The following NRXN3 variants were observed in gnomAD, a reference collection of about 807,000 sequenced individuals.
The protein encoded by NRXN3 is neurexin III.
NRXN3 carries 32 observed loss-of-function variants against 137.6 expected under a neutral mutation model. That is an observed-to-expected ratio of 0.23 (90% CI 0.18 to 0.31). The LOEUF is 0.31. NRXN3 is among the 10% of genes least tolerant of loss of function. The pLI, the probability that NRXN3 is intolerant of heterozygous loss-of-function variation, is 1.00. For missense variants in NRXN3, 1,574 were observed against 2,062.5 expected (o/e 0.76, Z 4.59); for synonymous variants, 798 against 784.5 (o/e 1.02, Z -0.29).
rs191636214 is a variant in NRXN3 at position 78,775,980 on chromosome 14, C to T, written c.2045-27640C>T. Among the ~76,000 whole-genome samples, 10 of 152,248 alleles carry T rather than the reference C, an allele frequency of 6.6e-5. No homozygotes were observed. In the East Asian group the frequency reaches 1.5e-3, roughly 24 times the overall value. ...ACCCAGGGTATGAATTACTTTTTGT[C>T]CAGCTGGCCAGTTATTAGATTGTGT... is the stretch of plus-strand genomic sequence containing the variant. On this transcript the variant is annotated intron_variant, in intron 8 of 20. Coordinates refer to ENST00000335750, the MANE Select transcript of NRXN3 (RefSeq NM_001330195.2).
intron 1 of NRXN3, among the ~76,000 whole-genome samples, chr14:78,239,026 T>A (rs1214645396): frequency 6.6e-6 from 1 of 152,208 alleles, no homozygotes; most frequent in Admixed American, 6.5e-5. Flanking sequence ...CAGAGAGGCA[T>A]GGGGGTTCAG....
chr14:79,265,294 A>G (rs910421901), intron 15 of NRXN3, among the ~76,000 whole-genome samples: 4 of 142,684 alleles, frequency 2.8e-5, no homozygotes, highest in African/African-American at 1.1e-4. Flanking sequence ...ATGGAGGATC[A>G]GGGGCTGAGA....
At chr14:79,033,056 G>T (rs1405167089) in intron 15 of NRXN3, among the ~76,000 whole-genome samples, 2 of 151,996 alleles carry the variant, frequency 1.3e-5, no homozygotes, top group Non-Finnish European at 2.9e-5. Flanking sequence ...TTTTTCCCTG[G>T]ATTGTTTTGA....
intron 4 of NRXN3, among the ~76,000 whole-genome samples, chr14:78,644,135 G>GAAAAAAAAAAAAAAAAAGAAA (rs2097663111): frequency 2.4e-5 from 1 of 42,148 alleles, no homozygotes; most frequent in Non-Finnish European, 5.8e-5. Context: ...GCAAGACTCA[G>GAAAAAAAAAAAAAAAAAGAAA]AAAAAAAAAA....
intron 4 of NRXN3, among the ~76,000 whole-genome samples, chr14:78,357,241 TGGCAGC>T (rs2084444409): frequency 6.6e-6 from 1 of 152,216 alleles, no homozygotes; most frequent in Non-Finnish European, 1.5e-5. Flanking sequence ...CTTATGTGGA[TGGCAGC>T]AGGCAGAGAG....
chr14:78,759,414 T>C lies in NRXN3; in HGVS notation c.2045-44206T>C, dbSNP rs550752800. On this transcript the variant is annotated intron_variant, in intron 8 of 20. Coordinates refer to ENST00000335750, the MANE Select transcript of NRXN3 (RefSeq NM_001330195.2). ...AAGATATTTTTGCAAATGAGGACAC[T>C]GGGGCTTGATGAAGTTAAATAACTT... Among the ~76,000 whole-genome samples the C allele has an allele frequency of 2.0e-5, 3 of 152,222 alleles. No homozygotes were observed. In the East Asian group the frequency reaches 5.8e-4, roughly 29 times the overall value.
At chr14:79,491,288 T>C (rs1052460791) in intron 16 of NRXN3, among the ~76,000 whole-genome samples, 2 of 152,172 alleles carry the variant, frequency 1.3e-5, no homozygotes, top group Non-Finnish European at 2.9e-5. Flanking sequence ...TGGGATGTCC[T>C]GATGCCTACA....
intron 15 of NRXN3, among the ~76,000 whole-genome samples, chr14:79,130,395 A>T (rs981337534): frequency 2.6e-5 from 4 of 151,720 alleles, no homozygotes; most frequent in African/African-American, 9.7e-5. Context: ...ATCTCTCAGC[A>T]TTTGCTTGTC....
chr14:79,738,270 C>CA (rs1310966480), intron 19 of NRXN3, among the ~76,000 whole-genome samples: 1 of 151,206 alleles, frequency 6.6e-6, no homozygotes, highest in African/African-American at 2.4e-5. Context: ...TAAATATCCT[C>CA]AAAAGTGTCC....
At chr14:78,612,209 C>T (rs903159273) in intron 4 of NRXN3, among the ~76,000 whole-genome samples, 1 of 152,116 alleles carries the variant, frequency 6.6e-6, no homozygotes, top group African/African-American at 2.4e-5. Flanking sequence ...GTCATAGCAC[C>T]CTCATCTTCT....
chr14:79,279,770 G>C (rs2080950959), intron 15 of NRXN3: 1 of 988,414 alleles, frequency 1.0e-6, no homozygotes, highest in Non-Finnish European at 1.2e-6. Flanking sequence ...CCTTTTGCCT[G>C]GCAGTTCTGC....
chr14:78,795,147 G>A (rs539910882), intron 8 of NRXN3, among the ~76,000 whole-genome samples: 23 of 152,266 alleles, frequency 1.5e-4, no homozygotes, highest in African/African-American at 5.3e-4. Flanking sequence ...GAAAAGGGAG[G>A]AGGATAATGA....
At chr14:78,381,839 T>A (rs2089183275) in intron 4 of NRXN3, among the ~76,000 whole-genome samples, 1 of 152,188 alleles carries the variant, frequency 6.6e-6, no homozygotes, top group Non-Finnish European at 1.5e-5. Context: ...CCCCAAAGGG[T>A]ACATATTATA....
chr14:79,284,296 G>T (rs935422257), intron 15 of NRXN3, among the ~76,000 whole-genome samples: 1 of 141,960 alleles, frequency 7.0e-6, no homozygotes, highest in Non-Finnish European at 1.5e-5. Context: ...TCAAGAGTTT[G>T]AGACCTGCCT....
intron 15 of NRXN3, among the ~76,000 whole-genome samples, chr14:79,049,767 C>T (rs759357708): frequency 1.6e-4 from 24 of 151,980 alleles, no homozygotes; most frequent in Middle Eastern, 6.8e-3. Context: ...ATATAAAGCA[C>T]GATGAAATGA....
At chr14:79,101,961 G>A (rs569510466) in intron 15 of NRXN3, among the ~76,000 whole-genome samples, 1 of 152,260 alleles carries the variant, frequency 6.6e-6, no homozygotes, top group South Asian at 2.1e-4. Flanking sequence ...CGTGAAGGCA[G>A]AGACAGAGGC....
At chr14:78,248,684 C>T (rs2068105326) in intron 2 of NRXN3, among the ~76,000 whole-genome samples, 1 of 152,084 alleles carries the variant, frequency 6.6e-6, no homozygotes, top group African/African-American at 2.4e-5. Flanking sequence ...TGGCATTGTT[C>T]CCAATCTGTG....
At chr14:79,740,716 A>T (rs1414820900) in intron 19 of NRXN3, among the ~76,000 whole-genome samples, 32 of 9,138 alleles carry the variant, frequency 3.5e-3, no homozygotes, top group African/African-American at 0.018. Flanking sequence ...AGTTTTTTAT[A>T]TATATATATA....
chr14:78,626,162 G>A (rs188275779), intron 4 of NRXN3, among the ~76,000 whole-genome samples: 156 of 152,294 alleles, frequency 1.0e-3, no homozygotes, highest in East Asian at 5.4e-3. Flanking sequence ...TCAGAACCCC[G>A]GAAAGGTACT....
Sources: gnomAD v4.1 joint callset for allele counts (sites outside exome capture counted in the v4.1 genomes callset) on GRCh38, gnomAD v4.1.1 for gene constraint, MANE v1.5 for transcripts, NCBI Gene and HGNC (gene_info 2026-07-23, HGNC 2026-07-21) for gene names.